SEMA6D: variants seen among roughly 807,000 people sequenced by gnomAD.
The protein encoded by SEMA6D is semaphorin-6D.
SEMA6D carries 35 observed loss-of-function variants against 106.6 expected under a neutral mutation model. The ratio of observed to expected loss-of-function variants is 0.33; its 90% CI spans 0.25 to 0.44. The LOEUF (loss-of-function observed/expected upper bound fraction) is 0.44. SEMA6D is among the 20% of genes least tolerant of loss of function. SEMA6D has a pLI of 1.00. For synonymous variants in SEMA6D, 499 were observed against 487.7 expected (o/e 1.02, Z -0.31); for missense variants, 1,185 against 1,345.9 (o/e 0.88, Z 1.87).
At chr15:47,421,048 T>A (rs1451908928) in intron 2 of SEMA6D, among the ~76,000 whole-genome samples, 1 of 152,178 alleles carries the variant, frequency 6.6e-6, no homozygotes, top group African/African-American at 2.4e-5. Flanking sequence ...TTGGACTTTT[T>A]ATTGAAAGTA....
At chr15:47,664,895 C>G (rs1186162810) in intron 4 of SEMA6D, among the ~76,000 whole-genome samples, 1 of 152,186 alleles carries the variant, frequency 6.6e-6, no homozygotes, top group Admixed American at 6.5e-5. Context: ...TGCTGGGCAG[C>G]CCCAGTGAAT....
At chr15:47,237,820 C>G (rs1298264020) in intron 1 of SEMA6D, among the ~76,000 whole-genome samples, 1 of 152,094 alleles carries the variant, frequency 6.6e-6, no homozygotes, top group Non-Finnish European at 1.5e-5. Context: ...AGGTCTGTTT[C>G]TGGAAGACTG....
intron 1 of SEMA6D, among the ~76,000 whole-genome samples, chr15:47,257,215 G>A (rs1272751793): frequency 6.6e-5 from 10 of 151,804 alleles, no homozygotes; most frequent in South Asian, 2.1e-4. Context: ...CTGCCACCAC[G>A]CCCAGCTAAT....
intron 4 of SEMA6D, among the ~76,000 whole-genome samples, chr15:47,620,117 A>T (rs928934265): frequency 3.9e-5 from 6 of 152,144 alleles, no homozygotes; most frequent in African/African-American, 1.4e-4. Context: ...TAGCACAGTG[A>T]TCCTCCCATC....
chr15:47,556,639 G>C (rs149364936), intron 3 of SEMA6D, among the ~76,000 whole-genome samples: 12 of 151,978 alleles, frequency 7.9e-5, no homozygotes, highest in Admixed American at 3.3e-4. Context: ...CATCCCTAAA[G>C]ATATTTTGGA....
At chr15:47,542,031 G>T (rs943153364) in intron 3 of SEMA6D, among the ~76,000 whole-genome samples, 4 of 152,110 alleles carry the variant, frequency 2.6e-5, no homozygotes, top group African/African-American at 9.7e-5. Context: ...GAGCAAGATT[G>T]CTGTTATAAC....
intron 1 of SEMA6D, among the ~76,000 whole-genome samples, chr15:47,263,738 C>T (rs549440819): frequency 3.3e-5 from 5 of 151,770 alleles, no homozygotes; most frequent in African/African-American, 1.2e-4. Context: ...AGGACATGAC[C>T]GTGTTCATTT....
chr15:47,510,216 T>G (rs1236169640), intron 3 of SEMA6D, among the ~76,000 whole-genome samples: 1 of 152,134 alleles, frequency 6.6e-6, no homozygotes, highest in Non-Finnish European at 1.5e-5. Flanking sequence ...TGTCATTAGA[T>G]TCTCATAGGA....
At chr15:47,330,083 TGGGGATCCATCTC>T (rs1316379146) in intron 1 of SEMA6D, among the ~76,000 whole-genome samples, 1 of 152,222 alleles carries the variant, frequency 6.6e-6, no homozygotes, top group African/African-American at 2.4e-5. Context: ...CTCTCCCACC[TGGGGATCCATCTC>T]TCACATAAAA....
chr15:47,743,141 A>T (rs1486869651), intron 1 of SEMA6D, among the ~76,000 whole-genome samples: 1 of 152,218 alleles, frequency 6.6e-6, no homozygotes, highest in Non-Finnish European at 1.5e-5. Context: ...GCTAAGTCCT[A>T]TATGTCCTTC....
chr15:47,761,489 T>A, intron 6 of SEMA6D, 58 bp downstream of exon 6: 1 of 1,410,106 alleles, frequency 7.1e-7, no homozygotes, highest in Non-Finnish European at 9.8e-7. Context: ...TTCACTGATA[T>A]GCTGTTAGAG....
chr15:47,201,232 C>G (rs1213017424), intron 1 of SEMA6D, among the ~76,000 whole-genome samples: 1 of 152,114 alleles, frequency 6.6e-6, no homozygotes, highest in African/African-American at 2.4e-5. Flanking sequence ...ACACTACACT[C>G]TACAAAGGGA....
At chr15:47,576,563 C>T (rs1482598744) in intron 3 of SEMA6D, among the ~76,000 whole-genome samples, 1 of 152,212 alleles carries the variant, frequency 6.6e-6, no homozygotes, top group African/African-American at 2.4e-5. Flanking sequence ...CTCAACTGCA[C>T]TAAATCACTC....
At chr15:47,523,194 A>G (rs2044644423) in intron 3 of SEMA6D, among the ~76,000 whole-genome samples, 1 of 152,202 alleles carries the variant, frequency 6.6e-6, no homozygotes, top group African/African-American at 2.4e-5. Flanking sequence ...TCTGCCAGGC[A>G]TTGGGAAGGC....
chr15:47,408,393 A>C (rs533158297), intron 1 of SEMA6D, among the ~76,000 whole-genome samples: 1 of 152,234 alleles, frequency 6.6e-6, no homozygotes, highest in Non-Finnish European at 1.5e-5. Flanking sequence ...TAACAAAAAT[A>C]TACTTTCCAC....
chr15:47,553,326 C>T (rs1478258612), intron 3 of SEMA6D, among the ~76,000 whole-genome samples: 2 of 152,052 alleles, frequency 1.3e-5, no homozygotes, highest in Admixed American at 6.6e-5. Flanking sequence ...AATGTTTTTA[C>T]TTTATCACAT....
At chr15:47,571,780 G>T (rs2046389193) in intron 3 of SEMA6D, among the ~76,000 whole-genome samples, 1 of 152,136 alleles carries the variant, frequency 6.6e-6, no homozygotes, top group Admixed American at 6.5e-5. Context: ...CCAAATTTTG[G>T]TTAAATTATG....
intron 1 of SEMA6D, among the ~76,000 whole-genome samples, chr15:47,366,423 TAGTA>T (rs925143913): frequency 3.9e-5 from 6 of 152,278 alleles, no homozygotes; most frequent in Middle Eastern, 3.4e-3. Flanking sequence ...CAGTAACACA[TAGTA>T]AGAGTTCGGA....
chr15:47,570,988 C>G (rs2046366725), intron 3 of SEMA6D, among the ~76,000 whole-genome samples: 1 of 152,144 alleles, frequency 6.6e-6, no homozygotes, highest in Admixed American at 6.5e-5. Flanking sequence ...GTTTTAGACT[C>G]TATGAATAGA....
Sources: allele counts gnomAD v4.1 joint callset (sites outside exome capture counted in the v4.1 genomes callset), GRCh38; gene constraint gnomAD v4.1.1; transcripts MANE v1.5; gene names NCBI Gene and HGNC (gene_info 2026-07-23, HGNC 2026-07-21).